MID2: variants seen among roughly 807,000 people sequenced by gnomAD.
MID2 encodes midline 2, also known as probable E3 ubiquitin-protein ligase MID2.
A neutral mutation model predicts 46.1 loss-of-function variants in MID2; 13 were observed. The ratio of observed to expected loss-of-function variants is 0.28; its 90% CI spans 0.18 to 0.45. The LOEUF (loss-of-function observed/expected upper bound fraction) is 0.45. MID2 is among the 20% of genes least tolerant of loss of function. The pLI, the probability that MID2 is intolerant of heterozygous loss-of-function variation, is 1.00. For synonymous variants in MID2, 199 were observed against 212.3 expected, an observed-to-expected ratio of 0.94 and a Z score of 0.55; for missense variants, 431 against 575.4, an observed-to-expected ratio of 0.75 and a Z score of 2.57.
chrX:107,893,425 ATG>A (rs1477104309), intron 3 of MID2, among the ~76,000 whole-genome samples: 5 of 112,721 alleles, frequency 4.4e-5, no homozygotes, highest in African/African-American at 1.6e-4. Flanking sequence ...TTGAAAAGGC[ATG>A]TATATGTCTC....
chrX:107,916,944 C>T (rs918969171), intron 6 of MID2, among the ~76,000 whole-genome samples: 5 of 112,050 alleles, frequency 4.5e-5, no homozygotes, highest in African/African-American at 1.6e-4. Flanking sequence ...AGTTCGAGAC[C>T]AGCCTGGCCA....
chrX:107,931,026 A>G lies in MID2; in HGVS notation c.*3953A>G, dbSNP rs1255969434. 1.8e-5 allele frequency among the ~76,000 whole-genome samples: 2 copies of G among 112,555 alleles called. No homozygotes were observed. Among genetic ancestry groups the G allele is most frequent in the African/African-American group, 3.2e-5 (1 of 31,029 alleles). On this transcript the variant is annotated 3_prime_UTR_variant, in exon 10 of 10. Coordinates refer to ENST00000262843, the MANE Select transcript of MID2 (RefSeq NM_012216.4). ...AACTGCATCTGGATGTGTTTTTATT[A>G]TACAATTCTATGTGTATCTTTAGAT...
chrX:107,874,910 A>T (rs1241842917), intron 3 of MID2, among the ~76,000 whole-genome samples: 2 of 111,564 alleles, frequency 1.8e-5, no homozygotes, highest in African/African-American at 6.5e-5. Flanking sequence ...TGAGCTTTAG[A>T]TTTTGAAACC....
chrX:107,855,785 A>G (rs1377551971), intron 3 of MID2, among the ~76,000 whole-genome samples: 1 of 111,943 alleles, frequency 8.9e-6, no homozygotes, highest in Non-Finnish European at 1.9e-5. Context: ...AGTAGAGTGT[A>G]CTTGTATGAT....
rs587777605 is a variant in MID2, at chrX:107,905,593, G to A, written c.1040G>A (p.Arg347Gln). The change falls in exon 5 of 10, where the codon CGG becomes CAG. Residue 347 changes from arginine to glutamine, a missense_variant. By Grantham distance (43) the Arg-to-Gln change is conservative. Transcript: ENST00000262843. Reference sequence around the variant, plus strand: ...ATCCTGAAAGAAAATGACCAGGCACGGTTTCTACAGTCTGCAAAAAATATT... The same window carrying A: ...ATCCTGAAAGAAAATGACCAGGCACAGTTTCTACAGTCTGCAAAAAATATT... ...EHILKENDQA[R>Q]FLQSAKNIAE... is the part of the protein sequence containing the mutation. The A allele has an allele frequency of 1.3e-5, 16 of 1,201,573 alleles. No individual in the cohort carries two copies. The South Asian group carries it at 2.8e-4, about 21-fold the overall frequency.
At chrX:107,877,602 A>AGG (rs1249192490) in intron 3 of MID2, among the ~76,000 whole-genome samples, 1 of 112,056 alleles carries the variant, frequency 8.9e-6, no homozygotes, top group African/African-American at 3.2e-5. Flanking sequence ...TCATAAAACA[A>AGG]GGAGGGCCTA....
At chrX:107,893,833 C>T (rs1602491363) in intron 3 of MID2, among the ~76,000 whole-genome samples, 1 of 112,894 alleles carries the variant, frequency 8.9e-6, no homozygotes, top group Non-Finnish European at 1.9e-5. Flanking sequence ...AGTACTAGCA[C>T]ATCTAATGAT....
intron 3 of MID2, chrX:107,901,189 G>T (rs920348400): frequency 2.7e-5 from 3 of 111,903 alleles, no homozygotes; most frequent in Non-Finnish European, 1.9e-5. Context: ...AAGGAACAAA[G>T]AAACCTGTAA....
intron 3 of MID2, among the ~76,000 whole-genome samples, chrX:107,890,501 G>T (rs1257923434): frequency 9.0e-6 from 1 of 111,606 alleles, no homozygotes; most frequent in Admixed American, 9.5e-5. Flanking sequence ...AGGAGTACCC[G>T]GCCTTGTGAG....
At chrX:107,856,044 G>C (rs752651654) in intron 3 of MID2, among the ~76,000 whole-genome samples, 2 of 112,201 alleles carry the variant, frequency 1.8e-5, no homozygotes, top group South Asian at 7.6e-4. Flanking sequence ...CTCAGTTTCA[G>C]TGTTCTTACC....
chrX:107,856,889 G>A (rs962043325), intron 3 of MID2, among the ~76,000 whole-genome samples: 2 of 111,982 alleles, frequency 1.8e-5, no homozygotes, highest in African/African-American at 6.5e-5. Flanking sequence ...TGCTAAATCC[G>A]ATCATGTAAG....
rs1196936631 is a variant in MID2, at chrX:107,928,698, TCTACCTGCTGCCAAATGGCTTA to T, written c.*1629_*1650del. On this transcript the variant is annotated 3_prime_UTR_variant, in exon 10 of 10. Coordinates refer to ENST00000262843, the MANE Select transcript of MID2 (RefSeq NM_012216.4). ...GGGAGTGCACATATTAACAAAATGC[TCTACCTGCTGCCAAATGGCTTA>T]CTATTCTGTGGAAGAAACAAAGTAT... Among the ~76,000 whole-genome samples, 24 of 111,730 alleles carry T rather than the reference TCTACCTGCTGCCAAATGGCTTA, an allele frequency of 2.1e-4. No individual in the cohort carries two copies. Among genetic ancestry groups the T allele is most frequent in the African/African-American group, 6.8e-4 (21 of 30,831 alleles).
intron 3 of MID2, among the ~76,000 whole-genome samples, chrX:107,868,120 T>TATAC: frequency 9.0e-6 from 1 of 111,713 alleles, no homozygotes; most frequent in South Asian, 3.8e-4. Flanking sequence ...TTTTGTGGCA[T>TATAC]ATACATTATA....
At chrX:107,865,131 C>T (rs73529322) in intron 3 of MID2, among the ~76,000 whole-genome samples, 2,237 of 111,932 alleles carry the variant, frequency 0.02, 66 homozygotes, top group African/African-American at 0.069. Flanking sequence ...GAGGTCCTTG[C>T]TCTTAATGAC....
chrX:107,914,502 A>G (rs1431698078), intron 5 of MID2, among the ~76,000 whole-genome samples: 11 of 112,174 alleles, frequency 9.8e-5, no homozygotes, highest in Admixed American at 9.4e-5. Context: ...AGCAGGGTAT[A>G]TGTACATGAG....
chrX:107,851,855 TTTTATTTATTTATTTATTTA>T lies in MID2; in HGVS notation c.721-2727_721-2708del, dbSNP rs199930811. Reference sequence around the variant, plus strand: ...GCCATATATTTTATTTCTTTATACTTTTTATTTATTTATTTATTTATTTATTTATTTATTTATTTATTTAT... The same window carrying T: ...GCCATATATTTTATTTCTTTATACTTTTTATTTATTTATTTATTTATTTAT... On this transcript the variant is annotated intron_variant, in intron 2 of 9. Coordinates refer to ENST00000262843, the MANE Select transcript of MID2 (RefSeq NM_012216.4). Among the ~76,000 whole-genome samples, 367 of 93,809 alleles carry T rather than the reference TTTTATTTATTTATTTATTTA, an allele frequency of 3.9e-3. 4 individuals carry two copies. The highest frequency in any genetic ancestry group is 0.013 in the African/African-American group (345 of 25,937). The allele number at this position is 93,809 out of a possible 115,157, so 81.5% of individuals were successfully genotyped here. A position where few individuals can be genotyped will look rare whatever the true frequency, so the allele number is the denominator to read the frequency against.
intron 1 of MID2, among the ~76,000 whole-genome samples, chrX:107,838,754 T>C (rs189688241): frequency 8.9e-6 from 1 of 111,756 alleles, no homozygotes; most frequent in East Asian, 2.8e-4. Flanking sequence ...ATTTTCAAGC[T>C]CTGATGAGAG....
intron 1 of MID2, among the ~76,000 whole-genome samples, chrX:107,838,875 G>T (rs981880006): frequency 1.8e-5 from 2 of 111,952 alleles, no homozygotes; most frequent in East Asian, 5.6e-4. Context: ...GGGAGGCTGT[G>T]GTGGGCAGAT....
At chrX:107,844,749 A>T (rs1332109175) in intron 2 of MID2, among the ~76,000 whole-genome samples, 1 of 110,817 alleles carries the variant, frequency 9.0e-6, no homozygotes, top group East Asian at 2.8e-4. Flanking sequence ...TGTCTGCAAA[A>T]TATACCATTC....
Sources: gnomAD v4.1 joint callset for allele counts (sites outside exome capture counted in the v4.1 genomes callset) on GRCh38, gnomAD v4.1.1 for gene constraint, MANE v1.5 for transcripts, NCBI Gene and HGNC (gene_info 2026-07-23, HGNC 2026-07-21) for gene names.